NIPAL3: variants seen among roughly 807,000 people sequenced by gnomAD.
NIPAL3 encodes NIPA-like protein 3.
Under a neutral mutation model 47.2 loss-of-function variants are expected in NIPAL3, and 41 were observed. The ratio of observed to expected loss-of-function variants is 0.87; its 90% CI spans 0.68 to 1.13. NIPAL3 has a LOEUF of 1.13. NIPAL3 is among the 50% of genes most tolerant of loss of function. The pLI is 0.00. For synonymous variants in NIPAL3, 194 were observed against 209.6 expected (o/e 0.93, Z 0.64); for missense variants, 449 against 530.1 (o/e 0.85, Z 1.50).
chr1:24,460,626 A>G, intron 10 of NIPAL3, 82 bp downstream of exon 10: 3 of 1,152,722 alleles, frequency 2.6e-6, no homozygotes, highest in Non-Finnish European at 3.6e-6. Context: ...CCTTATTGCT[A>G]CAGCCGCCCC....
chr1:24,445,339 T>A, intron 5 of NIPAL3, 95 bp downstream of exon 5: 1 of 841,930 alleles, frequency 1.2e-6, no homozygotes, highest in Non-Finnish European at 2.0e-6. Flanking sequence ...GTTATCTGCC[T>A]CCTGCTGTCC....
rs941989722 is a variant in NIPAL3, at chr1:24,469,302, T to C, written c.*117T>C. 2 of 822,602 alleles carry C rather than the reference T, an allele frequency of 2.4e-6. No individual in the cohort carries two copies. The highest frequency in any genetic ancestry group is 2.9e-5 in the Admixed American group (1 of 34,710). 51.0% of individuals were successfully genotyped at this position (822,602 alleles called of 1,614,324 possible). On this transcript the variant is annotated 3_prime_UTR_variant, in exon 12 of 12. Transcript: ENST00000374399. ...TTCTAACTGAGAACTCTATGGATGA[T>C]GATCTCAAAAAGCCTTTGTCTCTGG... is the stretch of plus-strand genomic sequence containing the variant.
At chr1:24,456,993 C>T (rs1278495591) in intron 8 of NIPAL3, among the ~76,000 whole-genome samples, 1 of 152,154 alleles carries the variant, frequency 6.6e-6, no homozygotes, top group East Asian at 1.9e-4. Context: ...AAACTCCTAA[C>T]CTCAAGTGAT....
intron 2 of NIPAL3, among the ~76,000 whole-genome samples, chr1:24,423,213 T>C (rs1644412359): frequency 6.6e-6 from 1 of 152,016 alleles, no homozygotes. Context: ...CCATTCTGCT[T>C]TCGATATTCA....
rs1645842749 is a variant in NIPAL3 at position 24,449,652 on chromosome 1, CCT to C, written c.540+27_540+28del. The C allele has an allele frequency of 1.9e-6, 3 of 1,602,780 alleles. No individual in the cohort carries two copies. In the African/African-American group the frequency reaches 4.0e-5, roughly 21 times the overall value. The stretch of plus-strand genomic sequence containing the variant: ...GTAAGAGAAGCCTCCAGTCGTTCCC[CCT>C]GAGATGGCAGGAGGGAGATCAAGTC... On this transcript the variant is annotated intron_variant, in intron 6 of 11. Transcript: ENST00000374399. The surrounding 1 kb of genome is among the most constrained non-coding windows in gnomAD (Gnocchi z 4.5).
rs546106970 is a variant in NIPAL3, at chr1:24,454,992, A to G, written c.638-1146A>G. ...AGGAAGGCCAGAAGGTTCTGAGGCC[A>G]TTGGCCAATCCCCTTCTGACTAAGA... On this transcript the variant is annotated intron_variant, in intron 7 of 11. Coordinates refer to ENST00000374399, the MANE Select transcript of NIPAL3 (RefSeq NM_020448.5). The surrounding 1 kb of genome is among the most constrained non-coding windows in gnomAD (Gnocchi z 4.1). 1.2e-4 allele frequency among the ~76,000 whole-genome samples: 19 copies of G among 152,330 alleles called. No individual in the cohort carries two copies. The highest frequency in any genetic ancestry group is 6.2e-4 in the South Asian group (3 of 4,822).
intron 6 of NIPAL3, among the ~76,000 whole-genome samples, chr1:24,450,758 C>T (rs371282915): frequency 2.0e-4 from 30 of 152,294 alleles, no homozygotes; most frequent in Non-Finnish European, 3.5e-4. Context: ...CTTCCTTCCC[C>T]GTGGCCTGCC....
Position 24,419,551 on chromosome 1 carries a change from G to A in NIPAL3, c.4G>A (p.Asp2Asn). Residue 2 changes from aspartate to asparagine, a missense_variant, in exon 2 of 12, where the codon GAC becomes AAC. Transcript: ENST00000374399. Reference protein sequence around the residue: MDGSHSAALKLQ... With the variant: MNGSHSAALKLQ... ...TGGGATGCGCCACTAGACCACCATG[G>A]ACGGATCCCACAGCGCAGCCCTGAA... is the stretch of plus-strand genomic sequence containing the variant. 2 of 1,613,428 alleles carry A rather than the reference G, an allele frequency of 1.2e-6. No homozygotes were observed. The highest frequency in any genetic ancestry group is 1.7e-6 in the Non-Finnish European group (2 of 1,179,750).
At chr1:24,441,823 A>C (rs1330126260) in intron 3 of NIPAL3, among the ~76,000 whole-genome samples, 1 of 152,012 alleles carries the variant, frequency 6.6e-6, no homozygotes, top group East Asian at 1.9e-4. Flanking sequence ...ATTTTGACAG[A>C]GCTTCTCAGG....
At chr1:24,435,956 G>A (rs566919386) in intron 2 of NIPAL3, among the ~76,000 whole-genome samples, 19 of 152,284 alleles carry the variant, frequency 1.2e-4, no homozygotes, top group East Asian at 1.9e-4. Flanking sequence ...TGGTGAGGGC[G>A]CGCCACCTCA....
intron 6 of NIPAL3, among the ~76,000 whole-genome samples, chr1:24,452,853 A>ATT (rs3054551): frequency 0.044 from 5,411 of 124,166 alleles, 397 homozygotes; most frequent in African/African-American, 0.13. Flanking sequence ...CGCCCAGCTA[A>ATT]TTTTTTTTTT....
chr1:24,424,427 C>T (rs553721044), intron 2 of NIPAL3, among the ~76,000 whole-genome samples: 120 of 152,288 alleles, frequency 7.9e-4, no homozygotes, highest in Non-Finnish European at 6.6e-4. Context: ...ATATGTGACT[C>T]AGAAATGCCA....
intron 10 of NIPAL3, among the ~76,000 whole-genome samples, 157 bp from the exon 11 acceptor site, chr1:24,463,867 CCT>C (rs995804409): frequency 8.3e-4 from 127 of 152,236 alleles, no homozygotes; most frequent in African/African-American, 2.9e-3. Context: ...CTGCTGATCC[CCT>C]GAGAGGCTGG....
At chr1:24,467,331 G>T (rs1481108171) in intron 11 of NIPAL3, among the ~76,000 whole-genome samples, 1 of 151,942 alleles carries the variant, frequency 6.6e-6, no homozygotes, top group African/African-American at 2.4e-5. Context: ...TTAGCTGTGC[G>T]TGGTGGCGGG....
At chr1:24,422,437 A>G (rs1200928156) in intron 2 of NIPAL3, among the ~76,000 whole-genome samples, 1 of 152,112 alleles carries the variant, frequency 6.6e-6, no homozygotes, top group Non-Finnish European at 1.5e-5. Flanking sequence ...ATGGTCCCCA[A>G]TCCTGCCTAA....
At position 24,455,163 on chromosome 1, in the gene NIPAL3, G is replaced by A. The variant is rs79404831; in HGVS notation, c.638-975G>A. Reference sequence around the variant, plus strand: ...CAAAGCTGAAGAATAGGAAAGCAAAGCACAGCAGCAGGGACCGGGGGCTTC... The same window carrying A: ...CAAAGCTGAAGAATAGGAAAGCAAAACACAGCAGCAGGGACCGGGGGCTTC... On this transcript the variant is annotated intron_variant, in intron 7 of 11. Coordinates refer to ENST00000374399, the MANE Select transcript of NIPAL3 (RefSeq NM_020448.5). Among the ~76,000 whole-genome samples the A allele has an allele frequency of 5.5e-3, 834 of 152,330 alleles. 12 individuals are homozygous for A. Among genetic ancestry groups the A allele is most frequent in the African/African-American group, 0.018 (760 of 41,580 alleles).
intron 7 of NIPAL3, 150 bp from the exon 8 acceptor site, chr1:24,455,988 G>A (rs1001563622): frequency 3.5e-5 from 30 of 855,622 alleles, no homozygotes; most frequent in African/African-American, 1.0e-4. Context: ...TGCAAACGGC[G>A]TCTGTCACTG....
At chr1:24,422,537 C>T (rs1253725780) in intron 2 of NIPAL3, among the ~76,000 whole-genome samples, 2 of 152,218 alleles carry the variant, frequency 1.3e-5, no homozygotes, top group African/African-American at 2.4e-5. Context: ...ACCCCCTCGT[C>T]TCTACTCCCC....
intron 2 of NIPAL3, among the ~76,000 whole-genome samples, chr1:24,428,258 A>AGAGAGAGAG (rs1644698366): frequency 1.7e-5 from 2 of 119,556 alleles, no homozygotes; most frequent in East Asian, 2.6e-4. Context: ...CTCAAAAAGA[A>AGAGAGAGAG]AGAGAGAGAG....
Sources: allele counts gnomAD v4.1 joint callset (sites outside exome capture counted in the v4.1 genomes callset), GRCh38; gene constraint gnomAD v4.1.1; non-coding constraint Gnocchi (gnomAD v3.1); transcripts MANE v1.5; gene names NCBI Gene and HGNC (gene_info 2026-07-23, HGNC 2026-07-21).